Variants in MED14 observed in about 807,000 individuals in gnomAD.
The protein encoded by MED14 is mediator complex subunit 14, also known as mediator of RNA polymerase II transcription subunit 14.
Under a neutral mutation model 109.0 loss-of-function variants are expected in MED14, and 8 were observed. The observed-to-expected ratio is 0.07, with a 90% CI of 0.04 to 0.13. The LOEUF is 0.13. Ranked by LOEUF, MED14 falls within the 10% of genes least tolerant of loss-of-function variation. MED14 has a pLI of 1.00. For synonymous variants in MED14, 399 were observed against 408.7 expected (o/e 0.98, Z 0.29); for missense variants, 711 against 1,142.4 (o/e 0.62, Z 5.44).
chrX:40,706,534 A>T (rs1341075087), intron 10 of MED14, among the ~76,000 whole-genome samples: 1 of 111,511 alleles, frequency 9.0e-6, no homozygotes, highest in African/African-American at 3.3e-5. Context: ...AATATCCTCA[A>T]ATTTCAGATG....
intron 26 of MED14, among the ~76,000 whole-genome samples, chrX:40,661,763 A>G (rs987257345): frequency 3.6e-5 from 4 of 112,028 alleles, no homozygotes; most frequent in Admixed American, 9.4e-5. Context: ...ATTATAAATT[A>G]TCTCCTAAGG....
intron 8 of MED14, among the ~76,000 whole-genome samples, chrX:40,710,511 G>A (rs1207944694): frequency 2.7e-5 from 3 of 111,458 alleles, no homozygotes; most frequent in Non-Finnish European, 5.7e-5. Context: ...AGGGAATTGA[G>A]AGTTACAAAC....
rs1256515094 is a variant in MED14, at chrX:40,662,842, G to A, written c.3684+83C>T. On this transcript the variant is annotated intron_variant, in intron 26 of 30. Transcript: ENST00000324817. The stretch of plus-strand genomic sequence containing the variant: ...AGGAGGGAAGGTGAAGGAATGTCAC[G>A]TTAGTTCAGATCCTATCCTGCAGGA... The A allele has an allele frequency of 5.8e-6, 4 of 694,761 alleles. No homozygotes were observed. In the East Asian group the frequency reaches 1.4e-4, roughly 25 times the overall value. 57.3% of individuals were successfully genotyped at this position (694,761 alleles called of 1,213,427 possible).
At chrX:40,664,922 G>A (rs1013257189) in intron 24 of MED14, among the ~76,000 whole-genome samples, 3 of 111,338 alleles carry the variant, frequency 2.7e-5, no homozygotes, top group African/African-American at 9.8e-5. Flanking sequence ...TTTAGACTAC[G>A]TTGACTAAGA....
At chrX:40,709,913 A>G (rs796261036) in intron 9 of MED14, 66 bp downstream of exon 9, 1 of 759,570 alleles carries the variant, frequency 1.3e-6, no homozygotes, top group Non-Finnish European at 1.9e-6. Flanking sequence ...TTGTGCTAAG[A>G]GTTTAAGGAT....
Position 40,721,886 on chromosome X carries a change from A to T in MED14, c.348+4860T>A, listed in dbSNP as rs1229692681. On this transcript the variant is annotated intron_variant, in intron 3 of 30. Coordinates refer to ENST00000324817, the MANE Select transcript of MED14 (RefSeq NM_004229.4). ...TTGGTAATCCAGAGAAATCTTCCAG[A>T]TCTTATCCAAGACCATCAAGGCAGT... Among the ~76,000 whole-genome samples, 4 of 112,558 alleles carry T rather than the reference A, an allele frequency of 3.6e-5. No individual in the cohort carries two copies. The East Asian group carries it at 1.1e-3, about 31-fold the overall frequency.
At chrX:40,669,598 G>A (rs1490836527) in intron 23 of MED14, among the ~76,000 whole-genome samples, 2 of 111,946 alleles carry the variant, frequency 1.8e-5, no homozygotes, top group East Asian at 2.8e-4. Context: ...AAATCTGCCC[G>A]TCCACCACTC....
rs181245076 is a variant in MED14 at position 40,661,418 on chromosome X, G to C, written c.3684+1507C>G. The stretch of plus-strand genomic sequence containing the variant: ...GTAGAGATAGGGTGTCGCCATGTTG[G>C]CCAGGCTGGTCTCAAACTCCTGACC... On this transcript the variant is annotated intron_variant, in intron 26 of 30. Transcript: ENST00000324817. Among the ~76,000 whole-genome samples the C allele has an allele frequency of 6.4e-3, 702 of 110,455 alleles. 6 individuals are homozygous for C. The highest frequency in any genetic ancestry group is 0.022 in the African/African-American group (649 of 29,930).
chrX:40,655,250 T>C (rs1415109685), intron 28 of MED14, among the ~76,000 whole-genome samples, 190 bp from the exon 29 acceptor site: 3 of 111,721 alleles, frequency 2.7e-5, no homozygotes, highest in Non-Finnish European at 5.6e-5. Context: ...TGTGGACTTA[T>C]GTAAGATTTT....
rs767320104 is a variant in MED14, at chrX:40,735,282, G to A, written c.131C>T (p.Ala44Val). The change falls in exon 1 of 31, where the codon GCG (alanine) becomes GTG (valine). Residue 44 changes from alanine (A) to valine (V), a missense_variant. This residue lies in a region of MED14 where 62 missense variants were observed against 55.2 expected (regional missense o/e 1.12). Coordinates refer to ENST00000324817, the MANE Select transcript of MED14 (RefSeq NM_004229.4). Reference sequence around the variant, plus strand: ...GCTCAGCCGGTAGCCCGGGCTAGCCGCAGCTGCAGCGGCCGCCGCCACGGC... The same window carrying A: ...GCTCAGCCGGTAGCCCGGGCTAGCCACAGCTGCAGCGGCCGCCGCCACGGC... ...GAAVAAAAAA[A>V]ASPGYRLSTL... 1.2e-5 allele frequency: 14 copies of A among 1,137,681 alleles called. No homozygotes were observed. The highest frequency in any genetic ancestry group is 2.0e-5 in the South Asian group (1 of 49,213). 93.8% of individuals were successfully genotyped at this position (1,137,681 alleles called of 1,213,427 possible).
Position 40,651,481 on chromosome X carries a change from C to T in MED14, c.*325G>A. ...CAAAAAAGGACTATTACACCCAAAA[C>T]ATAAGAAAACAATTAAATAAACAAG... On this transcript the variant is annotated 3_prime_UTR_variant, in exon 31 of 31. Coordinates refer to ENST00000324817, the MANE Select transcript of MED14 (RefSeq NM_004229.4). 3 of 787,260 alleles carry T rather than the reference C, an allele frequency of 3.8e-6. No homozygotes were observed. The South Asian group carries it at 1.9e-4, about 51-fold the overall frequency. The allele number at this position is 787,260 out of a possible 1,213,427, so 64.9% of individuals were successfully genotyped here.
intron 13 of MED14, 139 bp from the exon 14 acceptor site, chrX:40,693,041 CA>C (rs1930590952): frequency 7.2e-5 from 31 of 427,874 alleles, no homozygotes; most frequent in Non-Finnish European, 9.3e-5. Flanking sequence ...TCAATCGTAT[CA>C]AAAAAAAGCA....
Position 40,651,399 on chromosome X carries a change from T to A in MED14, c.*407A>T. On this transcript the variant is annotated 3_prime_UTR_variant, in exon 31 of 31. Transcript: ENST00000324817. Reference sequence around the variant, plus strand: ...AAATACAGCTTCAATATAAAGTTTATCACAGTTTTACAGTATTCAAAAATG... The same window carrying A: ...AAATACAGCTTCAATATAAAGTTTAACACAGTTTTACAGTATTCAAAAATG... The A allele has an allele frequency of 2.6e-6, 2 of 756,910 alleles. No individual in the cohort carries two copies. Among genetic ancestry groups the A allele is most frequent in the South Asian group, 1.3e-4 (2 of 15,010 alleles). The allele number at this position is 756,910 out of a possible 1,213,427, so 62.4% of individuals were successfully genotyped here.
chrX:40,672,612 G>C (rs1929767007), intron 22 of MED14, among the ~76,000 whole-genome samples: 1 of 112,084 alleles, frequency 8.9e-6, no homozygotes, highest in Admixed American at 9.5e-5. Flanking sequence ...TTGTGGGTGT[G>C]GAGTGTTATC....
Position 40,649,528 on chromosome X carries a change from C to G in MED14, c.*2278G>C. 2 of 690,819 alleles carry G rather than the reference C, an allele frequency of 2.9e-6. No individual in the cohort carries two copies. Among genetic ancestry groups the G allele is most frequent in the Non-Finnish European group, 1.9e-6 (1 of 530,822 alleles). The allele number at this position is 690,819 out of a possible 1,213,427, so 56.9% of individuals were successfully genotyped here. On this transcript the variant is annotated 3_prime_UTR_variant, in exon 31 of 31. Coordinates refer to ENST00000324817, the MANE Select transcript of MED14 (RefSeq NM_004229.4). ...ATGAAAACATCTTCATCAAAATTAA[C>G]TAGAGAGTTGGTAGTTCTCTGAAAC... is the stretch of plus-strand genomic sequence containing the variant.
At chrX:40,729,561 A>C in intron 1 of MED14, 1 of 400,468 alleles carries the variant, frequency 2.5e-6, no homozygotes, top group Non-Finnish European at 4.3e-6. Flanking sequence ...ATTTTTCTCC[A>C]TTCAAAATAC....
chrX:40,714,406 C>T, intron 4 of MED14, 131 bp downstream of exon 4: 1 of 634,783 alleles, frequency 1.6e-6, no homozygotes, highest in Non-Finnish European at 2.3e-6. Context: ...ACTTTAGTTA[C>T]AGAGAAAAAA....
At chrX:40,707,861 A>G (rs905084141) in intron 10 of MED14, among the ~76,000 whole-genome samples, 1 of 111,452 alleles carries the variant, frequency 9.0e-6, no homozygotes, top group African/African-American at 3.3e-5. Flanking sequence ...TAGTTGCACA[A>G]CTCTTTCAGT....
In MED14 at chrX:40,651,563, AACGGAC is replaced by A; in HGVS notation, c.*237_*242del. On this transcript the variant is annotated 3_prime_UTR_variant, in exon 31 of 31. Transcript: ENST00000324817. Reference sequence around the variant, plus strand: ...CAGAATATTAAATTTATTACTGGCAAACGGACACTGATTTATTTCCTTTGAAATGTG... The same window carrying A: ...CAGAATATTAAATTTATTACTGGCAAACTGATTTATTTCCTTTGAAATGTG... 1.1e-6 allele frequency: 1 copy of A among 909,895 alleles called. No individual in the cohort carries two copies. Among genetic ancestry groups the A allele is most frequent in the Non-Finnish European group, 1.4e-6 (1 of 731,822 alleles). The allele number at this position is 909,895 out of a possible 1,213,427, so 75.0% of individuals were successfully genotyped here. A position where few individuals can be genotyped will look rare whatever the true frequency, so the allele number is the denominator to read the frequency against.
Sources: gnomAD v4.1 joint callset for allele counts (sites outside exome capture counted in the v4.1 genomes callset) on GRCh38, gnomAD v4.1.1 for gene constraint, gnomAD v4.1.1 regional missense constraint, MANE v1.5 for transcripts, NCBI Gene and HGNC (gene_info 2026-07-23, HGNC 2026-07-21) for gene names.